CC2D2B: variants seen among roughly 807,000 people sequenced by gnomAD.
The protein encoded by CC2D2B is protein CC2D2B.
CC2D2B carries 128 observed loss-of-function variants against 161.2 expected under a neutral mutation model. That is an observed-to-expected ratio of 0.79 (90% CI 0.69 to 0.92). The LOEUF (loss-of-function observed/expected upper bound fraction) is 0.92. CC2D2B is among the 40% of genes least tolerant of loss of function. The probability of loss-of-function intolerance (pLI) is 0.00; values close to 1 mark genes in which losing one functional copy is unlikely to be tolerated. For missense variants in CC2D2B, 1,173 were observed against 1,375.1 expected (o/e 0.85, Z 2.32); for synonymous variants, 391 against 449.8 (o/e 0.87, Z 1.65).
intron 30 of CC2D2B, 35 bp downstream of exon 30, chr10:96,016,349 C>T: frequency 7.3e-7 from 1 of 1,362,242 alleles, no homozygotes; most frequent in Non-Finnish European, 1.1e-6. Context: ...ATAATGTAAG[C>T]AAAAGGAAAT....
chr10:96,013,656 G>GT, intron 28 of CC2D2B, 132 bp from the exon 29 acceptor site: 1 of 525,762 alleles, frequency 1.9e-6, no homozygotes, highest in Non-Finnish European at 3.3e-6. Context: ...TTCCTCTTCT[G>GT]TAATACTAGA....
At chr10:95,971,672 T>C (rs2077137837) in intron 15 of CC2D2B, among the ~76,000 whole-genome samples, 1 of 152,152 alleles carries the variant, frequency 6.6e-6, no homozygotes, top group South Asian at 2.1e-4. Context: ...AAAACAAACA[T>C]ATTTTCATAT....
chr10:96,032,114 T>A lies in CC2D2B; in HGVS notation c.*106T>A. 2.4e-6 allele frequency: 2 copies of A among 827,798 alleles called. No individual in the cohort carries two copies. The highest frequency in any genetic ancestry group is 1.9e-6 in the Non-Finnish European group (1 of 537,992). 51.3% of individuals were successfully genotyped at this position (827,798 alleles called of 1,614,324 possible). Reference sequence around the variant, plus strand: ...CTGTTTATTCTCAAGTCCAGCTAAGTGCTGGGCCCAATTTTTGATTCACTT... The same window carrying A: ...CTGTTTATTCTCAAGTCCAGCTAAGAGCTGGGCCCAATTTTTGATTCACTT... On this transcript the variant is annotated 3_prime_UTR_variant, in exon 35 of 35. Coordinates refer to ENST00000646931, the MANE Select transcript of CC2D2B (RefSeq NM_001349008.3).
intron 21 of CC2D2B, 29 bp from the exon 22 acceptor site, chr10:95,992,498 G>T: frequency 8.1e-7 from 1 of 1,231,874 alleles, no homozygotes; most frequent in Non-Finnish European, 1.0e-6. Context: ...AAACGTAAAT[G>T]AGGCTAATGA....
chr10:95,957,905 C>T (rs907050398), intron 11 of CC2D2B, among the ~76,000 whole-genome samples: 1 of 150,796 alleles, frequency 6.6e-6, no homozygotes, highest in African/African-American at 2.4e-5. Context: ...AACAGAAAGC[C>T]CTGGGAAAGG....
At chr10:96,016,983 G>A (rs1590897759) in intron 30 of CC2D2B, among the ~76,000 whole-genome samples, 1 of 152,148 alleles carries the variant, frequency 6.6e-6, no homozygotes, top group Non-Finnish European at 1.5e-5. Flanking sequence ...CTCCCAAAGT[G>A]CTGGGATTAC....
chr10:95,995,344 C>A lies in CC2D2B; in HGVS notation c.2718C>A (p.Ala906=). ...LRHRETIKSV[A]SDETLHEDTV... ...ATAGAGAAACAATCAAATCAGTAGC[C>A]TCAGATGAGACCTTACATGAGGTAA... The change falls in exon 23 of 35, where the codon GCC becomes GCA. Residue 906 remains alanine (A), a synonymous_variant. Transcript: ENST00000646931. 1 of 1,523,554 alleles carries A rather than the reference C, an allele frequency of 6.6e-7. No homozygotes were observed. The highest frequency in any genetic ancestry group is 1.2e-5 in the South Asian group (1 of 82,888). The allele number at this position is 1,523,554 out of a possible 1,614,324, so 94.4% of individuals were successfully genotyped here. A position where few individuals can be genotyped will look rare whatever the true frequency, so the allele number is the denominator to read the frequency against.
At chr10:95,935,277 T>C (rs184553404) in intron 6 of CC2D2B, among the ~76,000 whole-genome samples, 53 of 152,326 alleles carry the variant, frequency 3.5e-4, no homozygotes, top group Non-Finnish European at 1.5e-4. Context: ...ACTCAAATGC[T>C]TCAAATCCAA....
chr10:95,912,820 T>G (rs889140064), intron 2 of CC2D2B, among the ~76,000 whole-genome samples: 1 of 152,138 alleles, frequency 6.6e-6, no homozygotes, highest in Non-Finnish European at 1.5e-5. Context: ...TTTTTGGAAA[T>G]TTTTAATTTT....
chr10:96,027,300 C>A lies in CC2D2B; in HGVS notation c.4036C>A (p.Gln1346Lys), dbSNP rs1407246084. ...WNRQCTFILR[Q>K]ILPKLEFGIG... ...TCGACAGTGTACTTTTATTTTGCGA[C>A]AAATCCTTCCTAAGCTGGAATTTGG... Residue 1346 changes from glutamine to lysine, a missense_variant, in exon 34 of 35, where the codon CAA becomes AAA. Gln to Lys is a moderately conservative substitution (Grantham distance 53, BLOSUM62 1). Around this residue, in one of 3 missense-constraint regions of CC2D2B, gnomAD observed 598 missense variants for 693.2 expected, o/e 0.86. Coordinates refer to ENST00000646931, the MANE Select transcript of CC2D2B (RefSeq NM_001349008.3). 1.3e-6 allele frequency: 2 copies of A among 1,551,140 alleles called. No homozygotes were observed. The highest frequency in any genetic ancestry group is 1.7e-6 in the Non-Finnish European group (2 of 1,146,802).
At chr10:95,998,407 T>C (rs2078317420) in intron 24 of CC2D2B, among the ~76,000 whole-genome samples, 2 of 152,192 alleles carry the variant, frequency 1.3e-5, no homozygotes, top group South Asian at 4.1e-4. Flanking sequence ...ACATCCTGTG[T>C]GCTCTGTCTA....
chr10:96,003,179 C>T (rs944585425), intron 24 of CC2D2B, among the ~76,000 whole-genome samples: 3 of 151,832 alleles, frequency 2.0e-5, no homozygotes, highest in Non-Finnish European at 4.4e-5. Context: ...TGTAAAGTAA[C>T]CTATTGTACA....
chr10:95,956,362 A>G (rs1174128894), intron 11 of CC2D2B, among the ~76,000 whole-genome samples: 1 of 152,168 alleles, frequency 6.6e-6, no homozygotes, highest in East Asian at 1.9e-4. Flanking sequence ...AAGAAAATAG[A>G]ATTATCAAAT....
intron 26 of CC2D2B, among the ~76,000 whole-genome samples, chr10:96,010,462 G>C (rs779864696): frequency 3.9e-5 from 6 of 152,138 alleles, no homozygotes; most frequent in Non-Finnish European, 5.9e-5. Flanking sequence ...CGCCATGCCA[G>C]ACACTGTAAA....
chr10:95,926,829 T>TGTGTGTGTGTGC (rs2098539584), intron 5 of CC2D2B, among the ~76,000 whole-genome samples: 1 of 134,602 alleles, frequency 7.4e-6, no homozygotes. Context: ...TGTGTGTGTG[T>TGTGTGTGTGTGC]GTGTGTGTGT....
intron 1 of CC2D2B, among the ~76,000 whole-genome samples, chr10:95,910,632 A>G (rs886287565): frequency 6.6e-6 from 1 of 152,208 alleles, no homozygotes; most frequent in Non-Finnish European, 1.5e-5. Flanking sequence ...TCACATTTCA[A>G]CATGAGATTT....
At position 95,975,416 on chromosome 10, in the gene CC2D2B, G is replaced by A. The variant is rs192263239; in HGVS notation, c.1943+1260G>A. On this transcript the variant is annotated intron_variant, in intron 17 of 34. Coordinates refer to ENST00000646931, the MANE Select transcript of CC2D2B (RefSeq NM_001349008.3). Reference sequence around the variant, plus strand: ...TTGGTATGGACGAAACTGACATAGTGGGGGTAGTTTACTTACCAAGGAGTT... The same window carrying A: ...TTGGTATGGACGAAACTGACATAGTAGGGGTAGTTTACTTACCAAGGAGTT... Among the ~76,000 whole-genome samples, 1,082 of 152,262 alleles carry A rather than the reference G, an allele frequency of 7.1e-3. 6 individuals are homozygous for A. Among genetic ancestry groups the A allele is most frequent in the Non-Finnish European group, 0.012 (828 of 68,018 alleles).
At position 95,924,299 on chromosome 10, in the gene CC2D2B, T is replaced by TAATTATAATAAAGTGTCATAAACTCTTTA; in HGVS notation, c.98-15_98-14insAATTATAATAAAGTGTCATAAACTCTTTA. 7.1e-7 allele frequency: 1 copy of TAATTATAATAAAGTGTCATAAACTCTTTA among 1,404,010 alleles called. No individual in the cohort carries two copies. The highest frequency in any genetic ancestry group is 9.6e-7 in the Non-Finnish European group (1 of 1,040,224). 87.0% of individuals were successfully genotyped at this position (1,404,010 alleles called of 1,614,324 possible). A position where few individuals can be genotyped will look rare whatever the true frequency, so the allele number is the denominator to read the frequency against. On this transcript the variant is annotated splice_polypyrimidine_tract_variant and intron_variant, in intron 3 of 34. Transcript: ENST00000646931. ...AAAGTGTCATAAACTCTTTATTATG[T>TAATTATAATAAAGTGTCATAAACTCTTTA]TGGTTTCCTGATAGATTTAGATGCA... is the stretch of plus-strand genomic sequence containing the variant.
At chr10:95,993,861 G>T (rs2078065443) in intron 22 of CC2D2B, among the ~76,000 whole-genome samples, 1 of 115,328 alleles carries the variant, frequency 8.7e-6, no homozygotes, top group South Asian at 3.2e-4. Flanking sequence ...TAGAGAGAGA[G>T]AGAGAGAGAG....
Sources: gnomAD v4.1 joint callset for allele counts (sites outside exome capture counted in the v4.1 genomes callset) on GRCh38, gnomAD v4.1.1 for gene constraint, gnomAD v4.1.1 regional missense constraint, MANE v1.5 for transcripts, NCBI Gene and HGNC (gene_info 2026-07-23, HGNC 2026-07-21) for gene names.